The following NOVA1 variants were observed in gnomAD, a reference collection of about 807,000 sequenced individuals.
The protein encoded by NOVA1 is RNA-binding protein Nova-1.
In NOVA1, 7 loss-of-function variants were observed where a neutral mutation model predicts 38.0. That is an observed-to-expected ratio of 0.18 (90% CI 0.10 to 0.35). The LOEUF (loss-of-function observed/expected upper bound fraction) is 0.35, where lower values mean the gene tolerates loss of function less well. Ranked by LOEUF, NOVA1 falls within the 10% of genes least tolerant of loss-of-function variation. The pLI, the probability that NOVA1 is intolerant of heterozygous loss-of-function variation, is 1.00. For missense variants in NOVA1, 460 were observed against 616.0 expected (o/e 0.75, Z 2.68); for synonymous variants, 270 against 232.5 (o/e 1.16, Z -1.47).
chr14:26,590,320 A>C (rs1893765953), intron 2 of NOVA1, among the ~76,000 whole-genome samples: 1 of 151,848 alleles, frequency 6.6e-6, no homozygotes, highest in African/African-American at 2.4e-5. Flanking sequence ...TCAAGCACAA[A>C]TCTCCCACCT....
chr14:26,573,425 TAAAG>T (rs1472235854), intron 2 of NOVA1, among the ~76,000 whole-genome samples: 1 of 151,964 alleles, frequency 6.6e-6, no homozygotes, highest in Non-Finnish European at 1.5e-5. Context: ...TTACCAGAAT[TAAAG>T]AAAGGATTTA....
intron 4 of NOVA1, 193 bp downstream of exon 4, chr14:26,472,127 T>C (rs1300531284): frequency 1.9e-6 from 1 of 512,884 alleles, no homozygotes; most frequent in African/African-American, 1.9e-5. Context: ...ATATAGTATT[T>C]GTTATCTAAA....
At chr14:26,508,925 C>T (rs1887849193) in intron 2 of NOVA1, among the ~76,000 whole-genome samples, 1 of 151,090 alleles carries the variant, frequency 6.6e-6, no homozygotes, top group South Asian at 2.1e-4. Context: ...CAAACTAGCC[C>T]ATCTAGGATA....
chr14:26,528,041 G>A (rs1385866991), intron 2 of NOVA1, among the ~76,000 whole-genome samples: 1 of 152,164 alleles, frequency 6.6e-6, no homozygotes, highest in Non-Finnish European at 1.5e-5. Context: ...TTCCCCAGAA[G>A]GGTCCCTTTC....
intron 2 of NOVA1, among the ~76,000 whole-genome samples, chr14:26,586,767 C>G (rs1046303867): frequency 6.6e-6 from 1 of 151,056 alleles, no homozygotes; most frequent in African/African-American, 2.4e-5. Context: ...GCTACATGCT[C>G]CAGGCAATAT....
At chr14:26,548,009 A>G (rs746179365) in intron 2 of NOVA1, among the ~76,000 whole-genome samples, 7 of 152,126 alleles carry the variant, frequency 4.6e-5, no homozygotes, top group Non-Finnish European at 8.8e-5. Flanking sequence ...TCCATGATGA[A>G]TAAGATACTA....
rs1178138141 is a variant in NOVA1 at position 26,597,205 on chromosome 14, G to GGGAGGGAGGGAA, written c.136+84_136+95dup. 24 of 1,129,462 alleles carry GGGAGGGAGGGAA rather than the reference G, an allele frequency of 2.1e-5. No homozygotes were observed. In the African/African-American group the frequency reaches 3.3e-4, roughly 15 times the overall value. The allele number at this position is 1,129,462 out of a possible 1,614,324, so 70.0% of individuals were successfully genotyped here. On this transcript the variant is annotated intron_variant, in intron 1 of 4. Coordinates refer to ENST00000539517, the MANE Select transcript of NOVA1 (RefSeq NM_002515.3). ...GGCTGGAGGTGTCCGGGCCGCGGGA[G>GGGAGGGAGGGAA]GGAGGGAGGGAAGGAGGGAGGGAGG...
At position 26,448,270 on chromosome 14, in the gene NOVA1, G is replaced by C. The variant is rs773024612; in HGVS notation, c.1213C>G (p.Leu405Val). 2.5e-6 allele frequency: 4 copies of C among 1,614,030 alleles called. No homozygotes were observed. Among genetic ancestry groups the C allele is most frequent in the Middle Eastern group, 1.6e-4 (1 of 6,084 alleles). The change falls in exon 5 of 5, where the codon CTA (leucine) becomes GTA (valine). Residue 405 changes from leucine to valine, a missense_variant. Physicochemically the swap from Leu to Val is conservative, Grantham distance 32. Transcript: ENST00000539517. This position sits in a 1 kb window ranked among gnomAD's most constrained non-coding sequence, Gnocchi z 5.3. ...TNGYFGAASP[L>V]AASAILGTEK... ...GTTCCTAGAATGGCACTGGCAGCTA[G>C]GGGAGAAGCAGCTCCAAAATATCCA... is the stretch of plus-strand genomic sequence containing the variant.
chr14:26,468,125 A>G (rs1884289509), intron 4 of NOVA1, among the ~76,000 whole-genome samples: 1 of 151,842 alleles, frequency 6.6e-6, no homozygotes, highest in African/African-American at 2.4e-5. Context: ...AATATATAAG[A>G]CTCCATTTTT....
chr14:26,484,595 TATAG>T (rs2138319806), intron 2 of NOVA1, among the ~76,000 whole-genome samples: 1 of 152,292 alleles, frequency 6.6e-6, no homozygotes, highest in East Asian at 1.9e-4. Flanking sequence ...GAATGAGTTT[TATAG>T]ATACTCTCTT....
intron 3 of NOVA1, among the ~76,000 whole-genome samples, chr14:26,474,071 T>C (rs1453144826): frequency 1.3e-5 from 2 of 152,142 alleles, no homozygotes; most frequent in African/African-American, 4.8e-5. Context: ...TTTTCTACCA[T>C]TGGTTACAAC....
chr14:26,531,606 T>TCAAAA (rs71121887), intron 2 of NOVA1, among the ~76,000 whole-genome samples: 85,390 of 150,900 alleles, frequency 0.57, 29,255 homozygotes, highest in Non-Finnish European at 0.74. Flanking sequence ...AAACTCCGTC[T>TCAAAA]CAAAACAAAA....
intron 2 of NOVA1, among the ~76,000 whole-genome samples, chr14:26,554,547 A>T (rs1342308446): frequency 2.6e-5 from 4 of 152,210 alleles, no homozygotes; most frequent in Admixed American, 2.0e-4. Flanking sequence ...CATTAAAGTC[A>T]GATTAAATTG....
chr14:26,453,272 A>G (rs932183773), intron 4 of NOVA1, among the ~76,000 whole-genome samples: 2 of 151,956 alleles, frequency 1.3e-5, no homozygotes, highest in South Asian at 2.1e-4. Context: ...CAGTGACACA[A>G]TCATAGCTCA....
intron 2 of NOVA1, among the ~76,000 whole-genome samples, chr14:26,521,399 TATTACAA>T (rs1189717427): frequency 6.6e-6 from 1 of 152,148 alleles, no homozygotes; most frequent in African/African-American, 2.4e-5. Context: ...GTTTAATTGC[TATTACAA>T]AACAGAAAGA....
At chr14:26,479,760 TG>T (rs1885291889) in intron 3 of NOVA1, 1 of 453,614 alleles carries the variant, frequency 2.2e-6, no homozygotes, top group African/African-American at 2.0e-5. Context: ...TGCTCCTCAA[TG>T]TAACACTAAT....
intron 2 of NOVA1, among the ~76,000 whole-genome samples, chr14:26,564,143 C>T (rs2138693169): frequency 6.6e-6 from 1 of 152,194 alleles, no homozygotes; most frequent in Non-Finnish European, 1.5e-5. Flanking sequence ...TTGAACACAA[C>T]ATATTGTCTT....
At chr14:26,464,217 T>A (rs1883934773) in intron 4 of NOVA1, among the ~76,000 whole-genome samples, 1 of 152,222 alleles carries the variant, frequency 6.6e-6, no homozygotes, top group Admixed American at 6.5e-5. Context: ...GCCACATATA[T>A]GGTGGTCCCA....
At chr14:26,580,644 C>G (rs1893153669) in intron 2 of NOVA1, among the ~76,000 whole-genome samples, 1 of 151,924 alleles carries the variant, frequency 6.6e-6, no homozygotes, top group South Asian at 2.1e-4. Context: ...TCATTCTTAT[C>G]TATAAAAACG....
Sources: allele counts gnomAD v4.1 joint callset (sites outside exome capture counted in the v4.1 genomes callset), GRCh38; gene constraint gnomAD v4.1.1; non-coding constraint Gnocchi (gnomAD v3.1); transcripts MANE v1.5; gene names NCBI Gene and HGNC (gene_info 2026-07-23, HGNC 2026-07-21).